Variants in PDE10A observed in about 807,000 individuals in gnomAD.
The protein encoded by PDE10A is cAMP and cAMP-inhibited cGMP 3',5'-cyclic phosphodiesterase 10A.
PDE10A carries 39 observed loss-of-function variants against 97.7 expected under a neutral mutation model. That is an observed-to-expected ratio of 0.40 (90% CI 0.31 to 0.52). The LOEUF (loss-of-function observed/expected upper bound fraction) is 0.52. PDE10A is among the 20% of genes least tolerant of loss of function. The probability of loss-of-function intolerance (pLI) is 0.56; values close to 1 mark genes in which losing one functional copy is unlikely to be tolerated. For synonymous variants in PDE10A, 371 were observed against 376.8 expected (o/e 0.98, Z 0.18); for missense variants, 731 against 1,047.8 (o/e 0.70, Z 4.17).
At chr6:165,814,104 C>T (rs374675175) in intron 1 of PDE10A, among the ~76,000 whole-genome samples, 2 of 152,126 alleles carry the variant, frequency 1.3e-5, no homozygotes, top group Admixed American at 1.3e-4. Flanking sequence ...ATGAAATACA[C>T]GGTATATTAA....
intron 1 of PDE10A, among the ~76,000 whole-genome samples, chr6:165,911,418 A>G (rs1055991236): frequency 6.6e-6 from 1 of 152,240 alleles, no homozygotes; most frequent in Non-Finnish European, 1.5e-5. Flanking sequence ...CTTCAGAGCC[A>G]TAGAATTCCC....
intron 3 of PDE10A, among the ~76,000 whole-genome samples, chr6:165,455,736 C>T (rs1321311442): frequency 6.6e-6 from 1 of 152,134 alleles, no homozygotes; most frequent in Non-Finnish European, 1.5e-5. Context: ...GGGCTGATTC[C>T]CCCTCCCATT....
intron 1 of PDE10A, among the ~76,000 whole-genome samples, chr6:165,615,527 T>C (rs1366203987): frequency 1.3e-5 from 2 of 152,198 alleles, no homozygotes; most frequent in East Asian, 1.9e-4. Flanking sequence ...TTTCACTTTA[T>C]TGAGTTTTTT....
chr6:165,788,488 A>T (rs568836301), intron 1 of PDE10A, among the ~76,000 whole-genome samples: 1 of 134,892 alleles, frequency 7.4e-6, no homozygotes, highest in Admixed American at 8.3e-5. Flanking sequence ...ATTGCACTCC[A>T]GCCTGAGCAA....
At chr6:165,399,078 A>G (rs1007116909) in intron 13 of PDE10A, among the ~76,000 whole-genome samples, 30 of 152,240 alleles carry the variant, frequency 2.0e-4, no homozygotes, top group African/African-American at 5.8e-4. Context: ...CTAGAAATAA[A>G]GAAAATCATT....
intron 1 of PDE10A, among the ~76,000 whole-genome samples, chr6:165,713,783 A>G (rs1791960857): frequency 6.6e-6 from 1 of 152,368 alleles, no homozygotes; most frequent in South Asian, 2.1e-4. Flanking sequence ...TACACTTGGT[A>G]CATTATTAAC....
chr6:165,855,837 C>A (rs573400343), intron 1 of PDE10A, among the ~76,000 whole-genome samples: 1 of 152,204 alleles, frequency 6.6e-6, no homozygotes, highest in South Asian at 2.1e-4. Flanking sequence ...ATGGGCACAG[C>A]CACTTTGTGC....
At chr6:165,380,734 A>T (rs765649354) in intron 17 of PDE10A, among the ~76,000 whole-genome samples, 2 of 152,128 alleles carry the variant, frequency 1.3e-5, no homozygotes, top group African/African-American at 2.4e-5. Flanking sequence ...ACGGGAGGGG[A>T]CTCAGGCTTT....
intron 1 of PDE10A, among the ~76,000 whole-genome samples, chr6:165,647,731 C>T (rs962507801): frequency 2.0e-5 from 3 of 152,240 alleles, no homozygotes; most frequent in Admixed American, 1.3e-4. Context: ...CTTTCTCTTC[C>T]TTTCCCGACT....
chr6:165,949,463 C>G (rs1042503843), intron 1 of PDE10A: 3 of 152,102 alleles, frequency 2.0e-5, no homozygotes, highest in Middle Eastern at 3.4e-3. Context: ...TTATGAAGTG[C>G]CACAAACTGG....
chr6:165,444,364 T>G (rs1790688171), intron 5 of PDE10A, among the ~76,000 whole-genome samples: 1 of 152,224 alleles, frequency 6.6e-6, no homozygotes, highest in Non-Finnish European at 1.5e-5. Flanking sequence ...GAATCACAAG[T>G]TGGTAAATCC....
At chr6:165,874,001 C>T (rs1206482707) in intron 1 of PDE10A, among the ~76,000 whole-genome samples, 1 of 152,116 alleles carries the variant, frequency 6.6e-6, no homozygotes, top group Non-Finnish European at 1.5e-5. Flanking sequence ...CTCTAAGGGA[C>T]AAAGGGTGAA....
At chr6:165,583,757 T>C (rs1435380523) in intron 1 of PDE10A, among the ~76,000 whole-genome samples, 1 of 152,098 alleles carries the variant, frequency 6.6e-6, no homozygotes, top group Non-Finnish European at 1.5e-5. Flanking sequence ...CCTAAACTAG[T>C]GTCTAATGTA....
At chr6:165,737,414 T>G (rs1792604465) in intron 1 of PDE10A, among the ~76,000 whole-genome samples, 1 of 152,102 alleles carries the variant, frequency 6.6e-6, no homozygotes, top group Middle Eastern at 3.2e-3. Flanking sequence ...AAACCAAAAT[T>G]AGTAGCACAT....
chr6:165,770,491 T>C (rs1777975452), intron 1 of PDE10A, among the ~76,000 whole-genome samples: 1 of 152,184 alleles, frequency 6.6e-6, no homozygotes, highest in Non-Finnish European at 1.5e-5. Context: ...CTTTTATGTA[T>C]AGGAGGTAAT....
chr6:165,534,993 A>G (rs1782994003), intron 2 of PDE10A, among the ~76,000 whole-genome samples: 1 of 152,084 alleles, frequency 6.6e-6, no homozygotes, highest in Non-Finnish European at 1.5e-5. Flanking sequence ...GAAAGGAAGA[A>G]GTCAAGCTGT....
intron 1 of PDE10A, among the ~76,000 whole-genome samples, chr6:165,687,787 A>G (rs953304218): frequency 6.6e-6 from 1 of 152,292 alleles, no homozygotes; most frequent in African/African-American, 2.4e-5. Flanking sequence ...AACAAACACT[A>G]CATGGTGTTT....
chr6:165,831,081 T>C (rs1779897533), intron 1 of PDE10A, among the ~76,000 whole-genome samples: 1 of 152,078 alleles, frequency 6.6e-6, no homozygotes, highest in Non-Finnish European at 1.5e-5. Context: ...CATCCCTCCC[T>C]TCTGGTAAGA....
chr6:165,799,243 C>A (rs914274593), intron 1 of PDE10A, among the ~76,000 whole-genome samples: 2 of 152,150 alleles, frequency 1.3e-5, no homozygotes, highest in Non-Finnish European at 2.9e-5. Flanking sequence ...GAAAAACCAG[C>A]GAATGAGAAA....
Sources: allele counts gnomAD v4.1 joint callset (sites outside exome capture counted in the v4.1 genomes callset), GRCh38; gene constraint gnomAD v4.1.1; transcripts MANE v1.5; gene names NCBI Gene and HGNC (gene_info 2026-07-23, HGNC 2026-07-21).